The following FBXO46 variants were observed in gnomAD, a reference collection of about 807,000 sequenced individuals.
The protein encoded by FBXO46 is F-box only protein 46.
Under a neutral mutation model 30.7 loss-of-function variants are expected in FBXO46, and 13 were observed. The observed-to-expected ratio is 0.42, with a 90% CI of 0.28 to 0.67. FBXO46 has a LOEUF of 0.67. FBXO46 is among the 30% of genes least tolerant of loss of function. FBXO46 has a pLI of 0.21. For missense variants in FBXO46, 754 were observed against 871.5 expected (o/e 0.87, Z 1.70); for synonymous variants, 467 against 385.8 (o/e 1.21, Z -2.47).
At chr19:45,732,567 TC>T, upstream of FBXO46, among the ~76,000 whole-genome samples, 1 of 145,656 alleles carries the variant, frequency 6.9e-6, no homozygotes, top group Non-Finnish European at 1.5e-5. Context: ...AATCTTTTAT[TC>T]TTTTTCTTTC....
In FBXO46 at chr19:45,713,054, C is replaced by T. The variant is rs1296453264; in HGVS notation, c.442G>A (p.Gly148Arg). The T allele has an allele frequency of 1.9e-6, 3 of 1,571,490 alleles. No individual in the cohort carries two copies. The highest frequency in any genetic ancestry group is 2.3e-5 in the South Asian group (2 of 86,190). ...LDPTKAPPDP[G>R]GREGPPAAEE... The stretch of plus-strand genomic sequence containing the variant: ...GCAGCAGGGGGGCCCTCCCGGCCCC[C>T]TGGGTCAGGAGGAGCCTTGGTGGGG... Residue 148 changes from glycine to arginine, a missense_variant, in exon 2 of 2, where the codon GGG becomes AGG. By Grantham distance (125) the Gly-to-Arg change is moderately radical. Transcript: ENST00000317683. This position sits in a 1 kb window ranked among gnomAD's most constrained non-coding sequence, Gnocchi z 4.7.
At chr19:45,728,824 A>G (rs2146163850) in intron 1 of FBXO46, among the ~76,000 whole-genome samples, 1 of 152,058 alleles carries the variant, frequency 6.6e-6, no homozygotes, top group Non-Finnish European at 1.5e-5. Flanking sequence ...TGGGCAACAG[A>G]GCGAGACCCT....
In FBXO46 at chr19:45,712,657, C is replaced by T; in HGVS notation, c.839G>A (p.Ser280Asn). 1 of 1,611,394 alleles carries T rather than the reference C, an allele frequency of 6.2e-7. No individual in the cohort carries two copies. Among genetic ancestry groups the T allele is most frequent in the Non-Finnish European group, 8.5e-7 (1 of 1,178,728 alleles). ...ACAACCAGGCCTGCCCCCGCCCCCA[C>T]TGGGCAGGCCGCTGTCTGGTGCACG... ...EPRAPDSGLP[S>N]GGGGRPGCAY... Residue 280 changes from serine to asparagine, a missense_variant, in exon 2 of 2, where the codon AGT becomes AAT. By Grantham distance (46) the Ser-to-Asn change is conservative. This residue lies in a region of FBXO46 where 454 missense variants were observed against 426.5 expected (regional missense o/e 1.06). Transcript: ENST00000317683. The surrounding 1 kb of genome is among the most constrained non-coding windows in gnomAD (Gnocchi z 8.8).
intron 1 of FBXO46, among the ~76,000 whole-genome samples, chr19:45,721,815 G>A (rs1568548483): frequency 6.6e-6 from 1 of 150,542 alleles, no homozygotes; most frequent in Non-Finnish European, 1.5e-5. Flanking sequence ...TTATAGGCGT[G>A]AGCCACCACG....
upstream of FBXO46, among the ~76,000 whole-genome samples, chr19:45,732,871 G>A (rs990563996): frequency 4.6e-5 from 7 of 151,784 alleles, no homozygotes; most frequent in African/African-American, 1.7e-4. Context: ...CAATTCAAAT[G>A]GCCCTCCTCT....
rs1375530364 is a variant in FBXO46, at chr19:45,721,016, AAG to A, written c.-78-7445_-78-7444del. 4.1e-5 allele frequency among the ~76,000 whole-genome samples: 6 copies of A among 145,392 alleles called. No homozygotes were observed. In the East Asian group the frequency reaches 1.2e-3, roughly 30 times the overall value. ...ACTCTCAGCCAAAAAAAAAAAAAAA[AAG>A]AAGTGAAGCGGGGAAAAAAACAACA... is the stretch of plus-strand genomic sequence containing the variant. On this transcript the variant is annotated intron_variant, in intron 1 of 1. Coordinates refer to ENST00000317683, the MANE Select transcript of FBXO46 (RefSeq NM_001080469.2).
rs1297243104 is a variant in FBXO46 at position 45,713,159 on chromosome 19, T to C, written c.337A>G (p.Ser113Gly). 1.2e-6 allele frequency: 2 copies of C among 1,613,544 alleles called. No homozygotes were observed. The highest frequency in any genetic ancestry group is 1.7e-6 in the Non-Finnish European group (2 of 1,179,834). ...TTGACCTTCATGGAGCTGGCCCGGCTGCCCCCACCACACTGGTGGGCCACA... is the reference window on the plus strand; with the variant it reads ...TTGACCTTCATGGAGCTGGCCCGGCCGCCCCCACCACACTGGTGGGCCACA... Reference protein sequence around the residue: ...FFVAHQCGGGSRASSMKVKGH... With the variant: ...FFVAHQCGGGGRASSMKVKGH... Residue 113 changes from serine (S) to glycine (G), a missense_variant, in exon 2 of 2, where the codon AGC becomes GGC. Ser to Gly is a moderately conservative substitution (Grantham distance 56). Transcript: ENST00000317683. This position sits in a 1 kb window ranked among gnomAD's most constrained non-coding sequence, Gnocchi z 4.7.
rs1234933435 is a variant in FBXO46 at position 45,710,997 on chromosome 19, G to A, written c.*687C>T. 4.3e-6 allele frequency: 1 copy of A among 233,448 alleles called. No individual in the cohort carries two copies. The highest frequency in any genetic ancestry group is 4.5e-5 in the South Asian group (1 of 22,272). The allele number at this position is 233,448 out of a possible 1,614,324, so 14.5% of individuals were successfully genotyped here. On this transcript the variant is annotated 3_prime_UTR_variant, in exon 2 of 2. Transcript: ENST00000317683. Reference sequence around the variant, plus strand: ...GATGGCAGTAGCTTAAATAATAACGGGAGGAGGAGGGTTTTTATACTTCAG... The same window carrying A: ...GATGGCAGTAGCTTAAATAATAACGAGAGGAGGAGGGTTTTTATACTTCAG...
Position 45,712,594 on chromosome 19 carries a change from T to G in FBXO46, c.902A>C (p.Lys301Thr). ...PGSPGPGARA[K>T]DKITCDLYQL... is the part of the protein sequence containing the mutation. ...GTATAAGTCACATGTGATCTTGTCC[T>G]TGGCTCGGGCCCCAGGACCTGGGCT... The change falls in exon 2 of 2, where the codon AAG (lysine) becomes ACG (threonine). Residue 301 changes from lysine to threonine, a missense_variant. Coordinates refer to ENST00000317683, the MANE Select transcript of FBXO46 (RefSeq NM_001080469.2). This position sits in a 1 kb window ranked among gnomAD's most constrained non-coding sequence, Gnocchi z 8.8. 1 of 1,591,538 alleles carries G rather than the reference T, an allele frequency of 6.3e-7. No individual in the cohort carries two copies. Among genetic ancestry groups the G allele is most frequent in the Non-Finnish European group, 8.6e-7 (1 of 1,168,252 alleles).
rs376313475 is a variant in FBXO46, at chr19:45,712,261, T to C, written c.1235A>G (p.Gln412Arg). Reference sequence around the variant, plus strand: ...CGGGGGCCCGTCCGGCCCGCGGTTCTGGAGAAAGAAGAGCTGGCCCGGAGG... The same window carrying C: ...CGGGGGCCCGTCCGGCCCGCGGTTCCGGAGAAAGAAGAGCTGGCCCGGAGG... Reference protein sequence around the residue: ...PPPPGQLFFLQNRGPDGPPEP... With the variant: ...PPPPGQLFFLRNRGPDGPPEP... Residue 412 changes from glutamine (Q) to arginine (R), a missense_variant, in exon 2 of 2, where the codon CAG (glutamine) becomes CGG (arginine). Gln to Arg is a conservative substitution (Grantham distance 43, BLOSUM62 1). Coordinates refer to ENST00000317683, the MANE Select transcript of FBXO46 (RefSeq NM_001080469.2). This position sits in a 1 kb window ranked among gnomAD's most constrained non-coding sequence, Gnocchi z 8.8. The C allele has an allele frequency of 6.2e-7, 1 of 1,605,032 alleles. No homozygotes were observed. Among genetic ancestry groups the C allele is most frequent in the Non-Finnish European group, 8.5e-7 (1 of 1,179,318 alleles).
At chr19:45,733,162 G>A (rs1334842701), upstream of FBXO46, 1 of 152,348 alleles carries the variant, frequency 6.6e-6, no homozygotes, top group Non-Finnish European at 1.5e-5. This position sits in a 1 kb window ranked among gnomAD's most constrained non-coding sequence, Gnocchi z 5.7. Flanking sequence ...CAGCCTACTT[G>A]GGATGCAACG....
upstream of FBXO46, among the ~76,000 whole-genome samples, chr19:45,731,766 C>T (rs1479174788): frequency 6.6e-6 from 1 of 152,038 alleles, no homozygotes; most frequent in East Asian, 1.9e-4. Flanking sequence ...GCTAGTGTTA[C>T]ACCACCGCCC....
chr19:45,715,392 A>C (rs1184746738), intron 1 of FBXO46: 1 of 152,194 alleles, frequency 6.6e-6, no homozygotes, highest in Non-Finnish European at 1.5e-5. Flanking sequence ...TTTCATCTTC[A>C]ACAGCAGAGC....
chr19:45,711,674 T>G lies in FBXO46; in HGVS notation c.*10A>C. On this transcript the variant is annotated 3_prime_UTR_variant, in exon 2 of 2. Coordinates refer to ENST00000317683, the MANE Select transcript of FBXO46 (RefSeq NM_001080469.2). ...GGGCGTGGTGGGCTCTCCCCTCCCC[T>G]CCCCCGGCTTCACCTCCCCTCCTCC... The G allele has an allele frequency of 3.0e-6, 4 of 1,317,274 alleles. No individual in the cohort carries two copies. Among genetic ancestry groups the G allele is most frequent in the African/African-American group, 1.5e-5 (1 of 68,322 alleles). 81.6% of individuals were successfully genotyped at this position (1,317,274 alleles called of 1,614,324 possible). A position where few individuals can be genotyped will look rare whatever the true frequency, so the allele number is the denominator to read the frequency against.
At chr19:45,715,133 C>T (rs1459075001) in intron 1 of FBXO46, 1 of 152,190 alleles carries the variant, frequency 6.6e-6, no homozygotes, top group East Asian at 1.9e-4. Context: ...AATCTGGAGG[C>T]AATCTTGCGC....
chr19:45,728,485 C>A (rs950640111), intron 1 of FBXO46, among the ~76,000 whole-genome samples: 8 of 152,144 alleles, frequency 5.3e-5, no homozygotes, highest in East Asian at 3.9e-4. Flanking sequence ...CCCGAAACTT[C>A]TCACCTTCCT....
intron 1 of FBXO46, among the ~76,000 whole-genome samples, chr19:45,721,077 C>T (rs994954591): frequency 1.3e-5 from 2 of 151,138 alleles, no homozygotes; most frequent in Admixed American, 6.6e-5. Context: ...AAATAGGCCA[C>T]GTGTGGTGGC....
intron 1 of FBXO46, among the ~76,000 whole-genome samples, chr19:45,717,697 C>T (rs1052498828): frequency 6.6e-6 from 1 of 150,772 alleles, no homozygotes; most frequent in African/African-American, 2.4e-5. Flanking sequence ...CTTAAAGGGC[C>T]AGGCAGCCCG....
chr19:45,712,224 C>T lies in FBXO46; in HGVS notation c.1272G>A (p.Pro424=), dbSNP rs2146142841. ...RGPDGPPEPP[P]ADSPATAPGP... ...CGGGCGCAGTGGCCGGGGAGTCGGCCGGGGGTGGCTCCGGGGGCCCGTCCG... is the reference window on the plus strand; with the variant it reads ...CGGGCGCAGTGGCCGGGGAGTCGGCTGGGGGTGGCTCCGGGGGCCCGTCCG... The change falls in exon 2 of 2, where the codon CCG becomes CCA. Residue 424 remains proline (P), a synonymous_variant. Coordinates refer to ENST00000317683, the MANE Select transcript of FBXO46 (RefSeq NM_001080469.2). This position sits in a 1 kb window ranked among gnomAD's most constrained non-coding sequence, Gnocchi z 8.8. 1 of 1,605,232 alleles carries T rather than the reference C, an allele frequency of 6.2e-7. No individual in the cohort carries two copies. The highest frequency in any genetic ancestry group is 8.5e-7 in the Non-Finnish European group (1 of 1,177,686).
Sources: gnomAD v4.1 joint callset for allele counts (sites outside exome capture counted in the v4.1 genomes callset) on GRCh38, gnomAD v4.1.1 for gene constraint, gnomAD v4.1.1 regional missense constraint, Gnocchi (gnomAD v3.1) non-coding constraint, MANE v1.5 for transcripts, NCBI Gene and HGNC (gene_info 2026-07-23, HGNC 2026-07-21) for gene names.